DSCAML1: variants seen among roughly 807,000 people sequenced by gnomAD.
The protein encoded by DSCAML1 is DS cell adhesion molecule like 1.
Under a neutral mutation model 200.5 loss-of-function variants are expected in DSCAML1, and 38 were observed. The observed-to-expected ratio is 0.19, with a 90% CI of 0.15 to 0.25. The LOEUF (loss-of-function observed/expected upper bound fraction) is 0.25. Ranked by LOEUF, DSCAML1 falls within the 10% of genes least tolerant of loss-of-function variation. The probability of loss-of-function intolerance (pLI) is 1.00; values close to 1 mark genes in which losing one functional copy is unlikely to be tolerated. For synonymous variants in DSCAML1, 1,215 were observed against 1,165.0 expected (o/e 1.04, Z -0.87); for missense variants, 2,223 against 2,858.8 (o/e 0.78, Z 5.07).
intron 3 of DSCAML1, among the ~76,000 whole-genome samples, chr11:117,630,658 C>CCA (rs372432882): frequency 0.03 from 1,380 of 45,606 alleles, 131 homozygotes; most frequent in African/African-American, 0.099. Context: ...ATAAAGTGGC[C>CCA]AAAAAAAAAA....
intron 5 of DSCAML1, among the ~76,000 whole-genome samples, chr11:117,523,878 C>G (rs541705698): frequency 3.3e-5 from 5 of 152,238 alleles, no homozygotes; most frequent in Non-Finnish European, 7.3e-5. Context: ...ATTCCTGTCT[C>G]ATGAGGCATG....
rs941425367 is a variant in DSCAML1, at chr11:117,503,219, T to C, written c.2359+626A>G. The stretch of plus-strand genomic sequence containing the variant: ...AGCACCGAGTTGTAATGAGCTGCAT[T>C]GGTCCTTGGGCTTTTCTGAAGCATC... On this transcript the variant is annotated intron_variant, in intron 11 of 32. Transcript: ENST00000651296. The surrounding 1 kb of genome is among the most constrained non-coding windows in gnomAD (Gnocchi z 5.2). 6.6e-6 allele frequency among the ~76,000 whole-genome samples: 1 copy of C among 152,200 alleles called. No individual in the cohort carries two copies. Among genetic ancestry groups the C allele is most frequent in the African/African-American group, 2.4e-5 (1 of 41,450 alleles).
At chr11:117,778,611 G>A (rs539941761) in intron 2 of DSCAML1, among the ~76,000 whole-genome samples, 4 of 152,384 alleles carry the variant, frequency 2.6e-5, no homozygotes, top group South Asian at 2.1e-4. Flanking sequence ...GCACCTCTGC[G>A]ATTAACTGGC....
In DSCAML1 at chr11:117,450,540, C is replaced by A. The variant is rs1347530707; in HGVS notation, c.3708+9G>T. 1 of 1,613,458 alleles carries A rather than the reference C, an allele frequency of 6.2e-7. No homozygotes were observed. The highest frequency in any genetic ancestry group is 2.2e-5 in the East Asian group (1 of 44,846). On this transcript the variant is annotated intron_variant, in intron 20 of 32. Transcript: ENST00000651296. ...ATCCCCTTCATCATCTGGCCCTGAA[C>A]TCACTTACCGGCTGGCCAGACCCGG... is the stretch of plus-strand genomic sequence containing the variant.
At chr11:117,575,258 G>A (rs2050911809) in intron 3 of DSCAML1, among the ~76,000 whole-genome samples, 1 of 152,190 alleles carries the variant, frequency 6.6e-6, no homozygotes, top group African/African-American at 2.4e-5. Flanking sequence ...ACATCTGGAG[G>A]ACTGGGCTCT....
chr11:117,799,436 G>A (rs1173615845), upstream of DSCAML1, among the ~76,000 whole-genome samples: 1 of 152,068 alleles, frequency 6.6e-6, no homozygotes, highest in Non-Finnish European at 1.5e-5. Context: ...CCTACAACCT[G>A]AGTGTAGGAG....
chr11:117,429,972 T>C (rs990505426), intron 32 of DSCAML1, among the ~76,000 whole-genome samples: 1 of 152,204 alleles, frequency 6.6e-6, no homozygotes, highest in African/African-American at 2.4e-5. Flanking sequence ...CCACAGTCTT[T>C]CCATTGTTCC....
chr11:117,591,071 G>A (rs972705049), intron 3 of DSCAML1, among the ~76,000 whole-genome samples: 4 of 152,216 alleles, frequency 2.6e-5, no homozygotes, highest in African/African-American at 9.7e-5. Flanking sequence ...GAAATAATTT[G>A]TAATAATTAT....
At chr11:117,661,490 C>A (rs2052849701) in intron 3 of DSCAML1, among the ~76,000 whole-genome samples, 1 of 152,210 alleles carries the variant, frequency 6.6e-6, no homozygotes, top group East Asian at 1.9e-4. Context: ...TTACAAACAT[C>A]AAGTTACATT....
intron 3 of DSCAML1, among the ~76,000 whole-genome samples, chr11:117,584,393 A>G (rs558995880): frequency 1.3e-5 from 2 of 152,350 alleles, no homozygotes; most frequent in East Asian, 3.9e-4. Context: ...TTTAGGAGGA[A>G]AAAACCAATC....
rs74848447 is a variant in DSCAML1 at position 117,720,636 on chromosome 11, C to T, written c.511+56155G>A. On this transcript the variant is annotated intron_variant, in intron 3 of 32. Coordinates refer to ENST00000651296, the MANE Select transcript of DSCAML1 (RefSeq NM_020693.4). ...GCTGAGTCTCAGAGAGGTACTGGGACGGTGTCTAAGTCTTGGACTTGAGTC... is the reference window on the plus strand; with the variant it reads ...GCTGAGTCTCAGAGAGGTACTGGGATGGTGTCTAAGTCTTGGACTTGAGTC... Among the ~76,000 whole-genome samples, 306 of 152,338 alleles carry T rather than the reference C, an allele frequency of 2.0e-3. 1 individual carries two copies. Among genetic ancestry groups the T allele is most frequent in the African/African-American group, 6.7e-3 (278 of 41,580 alleles).
chr11:117,454,005 G>C (rs1415839834), intron 19 of DSCAML1, among the ~76,000 whole-genome samples: 1 of 152,120 alleles, frequency 6.6e-6, no homozygotes, highest in Non-Finnish European at 1.5e-5. Flanking sequence ...GCCTCCCAAA[G>C]TGCAGATTTT....
chr11:117,723,900 T>A (rs1162441418), intron 3 of DSCAML1, among the ~76,000 whole-genome samples: 1 of 152,242 alleles, frequency 6.6e-6, no homozygotes, highest in Non-Finnish European at 1.5e-5. Flanking sequence ...CTGTACCATC[T>A]TGGGCTCAGG....
rs772053964 is a variant in DSCAML1, at chr11:117,778,238, T to C, written c.365-1301A>G. Among the ~76,000 whole-genome samples the C allele has an allele frequency of 6.2e-4, 94 of 152,380 alleles. No homozygotes were observed. The Middle Eastern group carries it at 0.02, about 33-fold the overall frequency. On this transcript the variant is annotated intron_variant, in intron 2 of 32. Transcript: ENST00000651296. The stretch of plus-strand genomic sequence containing the variant: ...AAGAGAGGAGAGGCACTGGTGGCTC[T>C]GTGGATCTGTGGTCCAGCCCTTCCA...
chr11:117,659,783 G>A (rs2052805900), intron 3 of DSCAML1, among the ~76,000 whole-genome samples: 2 of 151,908 alleles, frequency 1.3e-5, no homozygotes, highest in African/African-American at 2.4e-5. Context: ...CAGTGGTGCA[G>A]TCTCAGCTCA....
intron 3 of DSCAML1, among the ~76,000 whole-genome samples, chr11:117,624,429 T>C (rs1170346634): frequency 6.6e-6 from 1 of 152,206 alleles, no homozygotes; most frequent in Non-Finnish European, 1.5e-5. Context: ...AACCTGTCTG[T>C]AAATAAGCTT....
At chr11:117,648,059 C>T (rs1353400433) in intron 3 of DSCAML1, among the ~76,000 whole-genome samples, 1 of 152,240 alleles carries the variant, frequency 6.6e-6, no homozygotes, top group African/African-American at 2.4e-5. Context: ...TGCATGGGGG[C>T]TCTGCCCAGC....
intron 3 of DSCAML1, among the ~76,000 whole-genome samples, chr11:117,757,593 C>G (rs1404136074): frequency 1.5e-4 from 21 of 136,722 alleles, no homozygotes; most frequent in African/African-American, 6.1e-4. Context: ...CACACACACA[C>G]ACACACACAC....
intron 3 of DSCAML1, among the ~76,000 whole-genome samples, chr11:117,587,400 A>G (rs746103399): frequency 1.1e-4 from 16 of 151,078 alleles, no homozygotes; most frequent in Non-Finnish European, 2.1e-4. Flanking sequence ...CCCTCCTCCT[A>G]CCCTCCCCAT....
Sources: gnomAD v4.1 joint callset for allele counts (sites outside exome capture counted in the v4.1 genomes callset) on GRCh38, gnomAD v4.1.1 for gene constraint, Gnocchi (gnomAD v3.1) non-coding constraint, MANE v1.5 for transcripts, NCBI Gene and HGNC (gene_info 2026-07-23, HGNC 2026-07-21) for gene names.